SRRM4: variants seen among roughly 807,000 people sequenced by gnomAD.
The protein encoded by SRRM4 is serine/arginine repetitive matrix protein 4.
In SRRM4, 33 loss-of-function variants were observed where a neutral mutation model predicts 68.9. The observed-to-expected ratio is 0.48, with a 90% CI of 0.36 to 0.64. The LOEUF (loss-of-function observed/expected upper bound fraction) is 0.64, where lower values mean the gene tolerates loss of function less well. Among genes scored for constraint, SRRM4 ranks in the 30% least tolerant of loss-of-function variants. The probability of loss-of-function intolerance (pLI) is 0.00; values close to 1 mark genes in which losing one functional copy is unlikely to be tolerated. For missense variants in SRRM4, 817 were observed against 827.1 expected (o/e 0.99, Z 0.15); for synonymous variants, 318 against 318.8 (o/e 1.00, Z 0.03).
intron 7 of SRRM4, among the ~76,000 whole-genome samples, chr12:119,128,325 G>A (rs1012387346): frequency 2.0e-5 from 3 of 152,056 alleles, no homozygotes; most frequent in Non-Finnish European, 2.9e-5. Flanking sequence ...CCTTAGCCTC[G>A]GTCTAGTCCT....
At position 119,145,455 on chromosome 12, in the gene SRRM4, C is replaced by T. The variant is rs1364477645; in HGVS notation, c.846C>T (p.Ser282=). ...ASPLTTSRGR[S]QEYDSGNDTS... The stretch of plus-strand genomic sequence containing the variant: ...CGCTCACCACCTCGCGAGGACGTTC[C>T]CAGGAGTACGACTCAGGAAATGACA... The change falls in exon 9 of 13, where the codon TCC becomes TCT. Residue 282 remains serine (S), a synonymous_variant. Transcript: ENST00000267260. The T allele has an allele frequency of 6.2e-7, 1 of 1,609,266 alleles. No homozygotes were observed. Among genetic ancestry groups the T allele is most frequent in the Non-Finnish European group, 8.5e-7 (1 of 1,177,950 alleles).
intron 1 of SRRM4, among the ~76,000 whole-genome samples, chr12:119,055,806 G>T (rs1426976944): frequency 1.3e-5 from 2 of 152,204 alleles, no homozygotes; most frequent in Non-Finnish European, 2.9e-5. Flanking sequence ...TGTGAAATGG[G>T]AGCAACACAG....
At chr12:119,055,914 C>T (rs1351886225) in intron 1 of SRRM4, among the ~76,000 whole-genome samples, 1 of 152,240 alleles carries the variant, frequency 6.6e-6, no homozygotes, top group Non-Finnish European at 1.5e-5. Flanking sequence ...CCTGCCCTTT[C>T]TGCTTCCAGA....
rs1592898540 is a variant in SRRM4, at chr12:119,102,230, C to T, written c.132-6C>T. The T allele has an allele frequency of 6.2e-7, 1 of 1,609,684 alleles. No individual in the cohort carries two copies. Among genetic ancestry groups the T allele is most frequent in the Non-Finnish European group, 8.5e-7 (1 of 1,177,960 alleles). On this transcript the variant is annotated splice_region_variant and splice_polypyrimidine_tract_variant and intron_variant, in intron 1 of 12. Coordinates refer to ENST00000267260, the MANE Select transcript of SRRM4 (RefSeq NM_194286.4). ...CACTTTTGTGTCCTTATTTCTTCTT[C>T]TGTAGGACAGAGCCCCAGAATAACC...
chr12:119,156,675 C>G lies in SRRM4; in HGVS notation c.1713C>G (p.Ser571Arg). ...RSRTRTSSSS[S>R]SRSPSPGSRS... ...GGACCCGCACGAGCAGCAGCTCTAG[C>G]TCCCGCAGCCCTAGTCCGGGCTCCC... The change falls in exon 13 of 13, where the codon AGC becomes AGG. Residue 571 changes from serine to arginine, a missense_variant. Physicochemically the swap from Ser to Arg is moderately radical, Grantham distance 110. Coordinates refer to ENST00000267260, the MANE Select transcript of SRRM4 (RefSeq NM_194286.4). The G allele has an allele frequency of 6.4e-7, 1 of 1,561,616 alleles. No homozygotes were observed. Among genetic ancestry groups the G allele is most frequent in the South Asian group, 1.2e-5 (1 of 85,074 alleles).
intron 1 of SRRM4, among the ~76,000 whole-genome samples, chr12:119,093,236 G>A (rs183479365): frequency 1.4e-4 from 22 of 152,306 alleles, no homozygotes; most frequent in Non-Finnish European, 5.9e-5. Context: ...TACAATGTGA[G>A]CTCCACCAAG....
At chr12:119,002,664 G>A (rs923149907) in intron 1 of SRRM4, among the ~76,000 whole-genome samples, 1 of 152,056 alleles carries the variant, frequency 6.6e-6, no homozygotes, top group African/African-American at 2.4e-5. Context: ...GTCTGATACA[G>A]CCTTATCTCT....
At chr12:119,118,704 C>A (rs956391039) in intron 4 of SRRM4, among the ~76,000 whole-genome samples, 3 of 152,202 alleles carry the variant, frequency 2.0e-5, no homozygotes, top group African/African-American at 7.2e-5. Context: ...CAGCTCCTCC[C>A]AATTTGGGGG....
chr12:119,145,708 G>C lies in SRRM4; in HGVS notation c.1076+23G>C, dbSNP rs1385707739. On this transcript the variant is annotated intron_variant, in intron 9 of 12. Transcript: ENST00000267260. ...AAGGTCAGTGCACCACACAGGGTCGGGGGTAGACGGTCTCCCACCTTAGCT... is the reference window on the plus strand; with the variant it reads ...AAGGTCAGTGCACCACACAGGGTCGCGGGTAGACGGTCTCCCACCTTAGCT... 3.4e-6 allele frequency: 5 copies of C among 1,476,304 alleles called. No individual in the cohort carries two copies. In the South Asian group the frequency reaches 7.3e-5, roughly 22 times the overall value. 91.5% of individuals were successfully genotyped at this position (1,476,304 alleles called of 1,614,324 possible).
At chr12:119,058,899 G>C (rs560595949) in intron 1 of SRRM4, among the ~76,000 whole-genome samples, 13 of 152,276 alleles carry the variant, frequency 8.5e-5, no homozygotes, top group African/African-American at 3.1e-4. Context: ...ATCTTGCAAT[G>C]GTGTGTGTGA....
intron 8 of SRRM4, among the ~76,000 whole-genome samples, chr12:119,132,829 C>T (rs4073205): frequency 0.69 from 104,467 of 152,010 alleles, 36,015 homozygotes; most frequent in South Asian, 0.74. Flanking sequence ...GGAAATGATT[C>T]ACATGGGCCA....
intron 1 of SRRM4, among the ~76,000 whole-genome samples, chr12:119,083,177 C>G (rs549702783): frequency 3.4e-4 from 52 of 152,118 alleles, no homozygotes; most frequent in Admixed American, 1.8e-3. Flanking sequence ...TTGTCACTGA[C>G]CTGCCCATTT....
chr12:119,008,931 G>A (rs1953432005), intron 1 of SRRM4, among the ~76,000 whole-genome samples: 1 of 151,960 alleles, frequency 6.6e-6, no homozygotes, highest in Non-Finnish European at 1.5e-5. Flanking sequence ...CCACCCGCCT[G>A]TCTGCCATCT....
intron 1 of SRRM4, among the ~76,000 whole-genome samples, chr12:119,015,914 A>T (rs1300883190): frequency 6.6e-6 from 1 of 152,140 alleles, no homozygotes; most frequent in Non-Finnish European, 1.5e-5. Context: ...TCATCAGACC[A>T]TGTAAATACA....
intron 3 of SRRM4, among the ~76,000 whole-genome samples, chr12:119,116,685 A>G (rs563077801): frequency 1.3e-5 from 2 of 152,348 alleles, no homozygotes; most frequent in South Asian, 4.1e-4. Context: ...TGAATGAGAT[A>G]ATGCTTACAA....
chr12:119,137,775 C>A (rs1451475686), intron 8 of SRRM4, among the ~76,000 whole-genome samples: 1 of 152,178 alleles, frequency 6.6e-6, no homozygotes, highest in African/African-American at 2.4e-5. Flanking sequence ...CTGAGATTGA[C>A]TACCCTGACC....
intron 1 of SRRM4, among the ~76,000 whole-genome samples, chr12:119,074,102 T>A (rs1674900071): frequency 7.1e-5 from 2 of 28,076 alleles, no homozygotes; most frequent in African/African-American, 2.2e-4. Flanking sequence ...TGGCAAGGGG[T>A]GGCAGTTTCA....
At chr12:119,151,540 A>G (rs545395468) in intron 10 of SRRM4, among the ~76,000 whole-genome samples, 32 of 152,354 alleles carry the variant, frequency 2.1e-4, no homozygotes, top group Middle Eastern at 6.8e-3. Flanking sequence ...GCTAATGTGT[A>G]TCAATTAACT....
chr12:118,983,490 G>A (rs371287401), intron 1 of SRRM4, among the ~76,000 whole-genome samples: 2 of 152,182 alleles, frequency 1.3e-5, no homozygotes, highest in Admixed American at 6.5e-5. Context: ...GAGTTTTGAC[G>A]TCAGTGGTTT....
Sources: allele counts gnomAD v4.1 joint callset (sites outside exome capture counted in the v4.1 genomes callset), GRCh38; gene constraint gnomAD v4.1.1; transcripts MANE v1.5; gene names NCBI Gene and HGNC (gene_info 2026-07-23, HGNC 2026-07-21).